Variants in DCHS2 observed in about 807,000 individuals in gnomAD.
DCHS2 encodes protocadherin-23.
A neutral mutation model predicts 182.4 loss-of-function variants in DCHS2; 142 were observed. The observed-to-expected ratio is 0.78, with a 90% confidence interval of 0.68 to 0.89. DCHS2 has a LOEUF of 0.89. DCHS2 is among the 40% of genes least tolerant of loss of function. The pLI is 0.00. For missense variants in DCHS2, 4,319 were observed against 4,198.6 expected, an observed-to-expected ratio of 1.03 and a Z score of -0.79; for synonymous variants, 1,740 against 1,663.3, an observed-to-expected ratio of 1.05 and a Z score of -1.12.
At chr4:154,453,557 G>A (rs1374250131) in intron 1 of DCHS2, among the ~76,000 whole-genome samples, 2 of 152,078 alleles carry the variant, frequency 1.3e-5, no homozygotes, top group African/African-American at 4.8e-5. Flanking sequence ...GGGCTTTCCT[G>A]CTCAATGGTT....
intron 1 of DCHS2, among the ~76,000 whole-genome samples, chr4:154,402,231 C>T (rs143217237): frequency 6.6e-6 from 1 of 152,304 alleles, no homozygotes; most frequent in East Asian, 1.9e-4. Flanking sequence ...TTCTGTTCCA[C>T]TGAATTATTT....
intron 2 of DCHS2, 66 bp from the exon 3 acceptor site, chr4:154,366,507 AC>A: frequency 9.6e-7 from 1 of 1,040,300 alleles, no homozygotes; most frequent in East Asian, 2.5e-5. Context: ...AGAATAATTG[AC>A]AATGGCCCTA....
At chr4:154,296,619 C>G (rs954134430) in intron 13 of DCHS2, among the ~76,000 whole-genome samples, 1 of 152,136 alleles carries the variant, frequency 6.6e-6, no homozygotes, top group Admixed American at 6.6e-5. Context: ...TGTGGGCTTT[C>G]CAACAAAGAA....
At position 154,490,082 on chromosome 4, in the gene DCHS2, C is replaced by A. The variant is rs201027235; in HGVS notation, c.1274G>T (p.Arg425Leu). 5.6e-3 allele frequency: 8,747 copies of A among 1,549,542 alleles called. 31 individuals carry two copies. The highest frequency in any genetic ancestry group is 6.6e-3 in the Non-Finnish European group (7,604 of 1,146,788). The change falls in exon 1 of 20, where the codon CGT (arginine) becomes CTT (leucine). Residue 425 changes from arginine to leucine, a missense_variant. Coordinates refer to ENST00000357232, the MANE Select transcript of DCHS2 (RefSeq NM_001358235.2). ...VLFLTEGGVA[R>L]VSEGARPGDY... ...GCCCGGTCGGGCGCCTTCAGAGACACGGGCGACGCCTCCCTCTGTGAGAAA... is the reference window on the plus strand; with the variant it reads ...GCCCGGTCGGGCGCCTTCAGAGACAAGGGCGACGCCTCCCTCTGTGAGAAA...
At chr4:154,249,621 T>C (rs536191824) in intron 16 of DCHS2, among the ~76,000 whole-genome samples, 3 of 152,302 alleles carry the variant, frequency 2.0e-5, no homozygotes, top group Admixed American at 2.0e-4. Context: ...TGCATTTATA[T>C]GTTCATCACC....
chr4:154,281,146 C>T (rs1402396901), intron 13 of DCHS2, among the ~76,000 whole-genome samples: 1 of 151,840 alleles, frequency 6.6e-6, no homozygotes, highest in East Asian at 1.9e-4. Flanking sequence ...ACTATTACCA[C>T]TTCTATTTAA....
intron 1 of DCHS2, among the ~76,000 whole-genome samples, chr4:154,481,987 T>C (rs550369127): frequency 9.8e-5 from 15 of 152,320 alleles, no homozygotes; most frequent in Non-Finnish European, 1.9e-4. Flanking sequence ...GAGATCTGCA[T>C]GTTTATGGGA....
chr4:154,333,428 G>A lies in DCHS2; in HGVS notation c.2780C>T (p.Pro927Leu). 4 of 1,614,014 alleles carry A rather than the reference G, an allele frequency of 2.5e-6. No homozygotes were observed. Among genetic ancestry groups the A allele is most frequent in the Non-Finnish European group, 3.4e-6 (4 of 1,180,022 alleles). The change falls in exon 5 of 20, where the codon CCG (proline) becomes CTG (leucine). Residue 927 changes from proline to leucine, a missense_variant. Transcript: ENST00000357232. The part of the protein sequence containing the change: ...GDLGGKFSIH[P>L]RLGTIRTRKP... ...CCGGGTGCGAATAGTGCCCAGCCGCGGGTGAATGGAGAACTTTCCGCCGAG... is the reference window on the plus strand; with the variant it reads ...CCGGGTGCGAATAGTGCCCAGCCGCAGGTGAATGGAGAACTTTCCGCCGAG...
chr4:154,236,643 T>C lies in DCHS2; in HGVS notation c.8009A>G (p.Tyr2670Cys). ...DNPPNFSSLS[Y>C]HTHVKESTPL... The stretch of plus-strand genomic sequence containing the variant: ...GGTGCTTTCCTTGACATGGGTGTGA[T>C]AGCTCAGGCTGCTGAAGTTTGGGGG... Residue 2670 changes from tyrosine (Y) to cysteine (C), a missense_variant, in exon 20 of 20, where the codon TAT becomes TGT. Transcript: ENST00000357232. The C allele has an allele frequency of 1.9e-6, 3 of 1,614,046 alleles. No individual in the cohort carries two copies. Among genetic ancestry groups the C allele is most frequent in the South Asian group, 1.1e-5 (1 of 91,074 alleles).
intron 1 of DCHS2, among the ~76,000 whole-genome samples, chr4:154,452,782 T>C (rs927439373): frequency 6.6e-6 from 1 of 152,120 alleles, no homozygotes. Context: ...GAACAAAATG[T>C]TGTGAGAAAA....
intron 3 of DCHS2, among the ~76,000 whole-genome samples, chr4:154,339,770 A>T (rs1027628852): frequency 2.6e-5 from 4 of 152,278 alleles, no homozygotes; most frequent in Non-Finnish European, 5.9e-5. Context: ...ATCATGGTAT[A>T]TCTCTATTTA....
chr4:154,451,169 G>C (rs1429751709), intron 1 of DCHS2, among the ~76,000 whole-genome samples: 1 of 152,154 alleles, frequency 6.6e-6, no homozygotes, highest in Non-Finnish European at 1.5e-5. Flanking sequence ...AGATACAATG[G>C]CTTGAAGTGC....
intron 1 of DCHS2, among the ~76,000 whole-genome samples, chr4:154,484,522 C>T (rs1286374785): frequency 6.6e-6 from 1 of 152,212 alleles, no homozygotes; most frequent in Non-Finnish European, 1.5e-5. Flanking sequence ...CCAATTCCTC[C>T]TATCCCCATG....
intron 10 of DCHS2, among the ~76,000 whole-genome samples, chr4:154,305,680 C>T (rs762906259): frequency 2.6e-5 from 4 of 152,168 alleles, no homozygotes; most frequent in Non-Finnish European, 5.9e-5. Context: ...GAAGCGAGCA[C>T]CTAGAATTGC....
At chr4:154,389,536 A>ATATATATATATATATATATAT (rs1485000004) in intron 1 of DCHS2, among the ~76,000 whole-genome samples, 109 of 144,442 alleles carry the variant, frequency 7.5e-4, no homozygotes, top group South Asian at 1.1e-3. Context: ...ATATATATAT[A>ATATATATATATATATATATAT]ACCTTTTTTT....
intron 16 of DCHS2, among the ~76,000 whole-genome samples, chr4:154,255,186 A>G (rs969474547): frequency 6.6e-6 from 1 of 152,242 alleles, no homozygotes; most frequent in African/African-American, 2.4e-5. Context: ...AAACACCTGC[A>G]GAGGGCTCTC....
At chr4:154,290,394 T>C (rs1187780450) in intron 13 of DCHS2, among the ~76,000 whole-genome samples, 7 of 151,988 alleles carry the variant, frequency 4.6e-5, no homozygotes. Flanking sequence ...TTCAATGCAA[T>C]CCCTACTAAA....
At chr4:154,375,705 T>C (rs1190986487) in intron 2 of DCHS2, among the ~76,000 whole-genome samples, 1 of 152,128 alleles carries the variant, frequency 6.6e-6, no homozygotes, top group Non-Finnish European at 1.5e-5. Flanking sequence ...GTGTAGCAAA[T>C]GAAATTTTCA....
At chr4:154,429,786 C>T (rs1316198742) in intron 1 of DCHS2, among the ~76,000 whole-genome samples, 3 of 151,874 alleles carry the variant, frequency 2.0e-5, no homozygotes, top group African/African-American at 7.3e-5. Context: ...CTGTGTATAA[C>T]AAGCATCATC....
Sources: gnomAD v4.1 joint callset for allele counts (sites outside exome capture counted in the v4.1 genomes callset) on GRCh38, gnomAD v4.1.1 for gene constraint, MANE v1.5 for transcripts, NCBI Gene and HGNC (gene_info 2026-07-23, HGNC 2026-07-21) for gene names.